The following TIMP2 variants were observed in gnomAD, a reference collection of about 807,000 sequenced individuals.
TIMP2 encodes the protein metalloproteinase inhibitor 2.
TIMP2 carries 5 observed loss-of-function variants against 24.3 expected under a neutral mutation model. The ratio of observed to expected loss-of-function variants is 0.21; its 90% confidence interval spans 0.11 to 0.43. The LOEUF (loss-of-function observed/expected upper bound fraction) is 0.43, where lower values mean the gene tolerates loss of function less well. Among genes scored for constraint, TIMP2 ranks in the 20% least tolerant of loss-of-function variants. TIMP2 has a pLI of 1.00. For synonymous variants in TIMP2, 130 were observed against 123.2 expected, an observed-to-expected ratio of 1.06 and a Z score of -0.37; for missense variants, 221 against 297.5, an observed-to-expected ratio of 0.74 and a Z score of 1.89.
intron 1 of TIMP2, among the ~76,000 whole-genome samples, chr17:78,909,030 G>A (rs555646367): frequency 3.3e-5 from 5 of 152,286 alleles, no homozygotes; most frequent in East Asian, 3.9e-4. Flanking sequence ...ATGTGTGTGC[G>A]TGTCCATCTA....
At chr17:78,915,842 C>T (rs1424398939) in intron 1 of TIMP2, among the ~76,000 whole-genome samples, 1 of 152,208 alleles carries the variant, frequency 6.6e-6, no homozygotes, top group African/African-American at 2.4e-5. Context: ...TCTTCTTTTA[C>T]TCTGCTATTT....
intron 1 of TIMP2, among the ~76,000 whole-genome samples, chr17:78,918,507 A>G (rs2145796763): frequency 6.6e-6 from 1 of 152,200 alleles, no homozygotes; most frequent in East Asian, 1.9e-4. Flanking sequence ...TGAGACATCC[A>G]TGCTCCTGAC....
chr17:78,888,456 A>G (rs550125291), intron 1 of TIMP2, among the ~76,000 whole-genome samples: 82 of 148,904 alleles, frequency 5.5e-4, no homozygotes, highest in Non-Finnish European at 9.5e-4. Context: ...CACCGCGTCC[A>G]GTATCTTTTT....
intron 1 of TIMP2, among the ~76,000 whole-genome samples, chr17:78,893,302 G>A (rs538791164): frequency 7.5e-6 from 1 of 133,508 alleles, no homozygotes; most frequent in East Asian, 2.3e-4. Flanking sequence ...TGTGTGTGCA[G>A]GGGTGTATGT....
intron 1 of TIMP2, among the ~76,000 whole-genome samples, chr17:78,879,020 G>A (rs1320989025): frequency 6.6e-6 from 1 of 152,218 alleles, no homozygotes. Flanking sequence ...AGCTCTGATC[G>A]GTGCACACCA....
Position 78,855,939 on chromosome 17 carries a change from G to T in TIMP2, c.466-75C>A. ...TGGGCAGAGGCTGCTCTGGGGGCATGTCCAGAACCCGGCAATGTGCCTACC... is the reference window on the plus strand; with the variant it reads ...TGGGCAGAGGCTGCTCTGGGGGCATTTCCAGAACCCGGCAATGTGCCTACC... On this transcript the variant is annotated intron_variant, in intron 4 of 4. Coordinates refer to ENST00000262768, the MANE Select transcript of TIMP2 (RefSeq NM_003255.5). This position sits in a 1 kb window ranked among gnomAD's most constrained non-coding sequence, Gnocchi z 6.0. The T allele has an allele frequency of 6.8e-7, 1 of 1,468,640 alleles. No individual in the cohort carries two copies. The highest frequency in any genetic ancestry group is 9.5e-7 in the Non-Finnish European group (1 of 1,054,068). The allele number at this position is 1,468,640 out of a possible 1,614,324, so 91.0% of individuals were successfully genotyped here. A position where few individuals can be genotyped will look rare whatever the true frequency, so the allele number is the denominator to read the frequency against.
intron 1 of TIMP2, among the ~76,000 whole-genome samples, chr17:78,908,776 C>G (rs1294543238): frequency 6.6e-6 from 1 of 152,248 alleles, no homozygotes; most frequent in African/African-American, 2.4e-5. Flanking sequence ...AAGACCACCA[C>G]AGACTGTTCC....
chr17:78,873,949 G>T, intron 1 of TIMP2, 30 bp from the exon 2 acceptor site: 1 of 1,603,498 alleles, frequency 6.2e-7, no homozygotes, highest in Non-Finnish European at 8.5e-7. Flanking sequence ...GAGGTGAGGA[G>T]AGTTCCTGAA....
chr17:78,911,191 C>G (rs1037234713), intron 1 of TIMP2, among the ~76,000 whole-genome samples: 4 of 152,164 alleles, frequency 2.6e-5, no homozygotes, highest in Admixed American at 6.5e-5. Context: ...CAGAGGCGAG[C>G]TGGGGAGCAG....
chr17:78,858,090 A>G (rs559655694), intron 3 of TIMP2, among the ~76,000 whole-genome samples: 11 of 151,818 alleles, frequency 7.2e-5, no homozygotes, highest in Admixed American at 2.0e-4. Flanking sequence ...AAAAAGTGGA[A>G]AAAAAAAGAA....
chr17:78,895,969 T>C (rs1250270155), intron 1 of TIMP2, among the ~76,000 whole-genome samples: 1 of 152,244 alleles, frequency 6.6e-6, no homozygotes. Context: ...GTGCACCCCG[T>C]GCCAGCCCCA....
At chr17:78,880,289 T>A (rs1450570858) in intron 1 of TIMP2, among the ~76,000 whole-genome samples, 1 of 152,052 alleles carries the variant, frequency 6.6e-6, no homozygotes, top group Non-Finnish European at 1.5e-5. Context: ...CCCACCAACA[T>A]CTTTCCAATC....
chr17:78,923,715 A>G (rs900982281), intron 1 of TIMP2, among the ~76,000 whole-genome samples: 2 of 152,190 alleles, frequency 1.3e-5, no homozygotes, highest in African/African-American at 2.4e-5. Context: ...CCTTCCGCCC[A>G]GGTGGCCTGA....
At chr17:78,904,091 A>ATATATATGTGTATGTGTGTG (rs1555651940) in intron 1 of TIMP2, 3 of 127,866 alleles carry the variant, frequency 2.3e-5, no homozygotes, top group African/African-American at 9.9e-5. Context: ...CAGCTAATTT[A>ATATATATGTGTATGTGTGTG]TGTGTGTGTG....
At chr17:78,878,578 T>C (rs529922023) in intron 1 of TIMP2, among the ~76,000 whole-genome samples, 1 of 152,312 alleles carries the variant, frequency 6.6e-6, no homozygotes, top group South Asian at 2.1e-4. Context: ...CGTGCTAGCT[T>C]TGCCTGGGGG....
Position 78,855,820 on chromosome 17 carries a change from G to T in TIMP2, c.510C>A (p.Asp170Glu). The change falls in exon 5 of 5, where the codon GAC (aspartate) becomes GAA (glutamate). Residue 170 changes from aspartate (D) to glutamate (E), a missense_variant. Coordinates refer to ENST00000262768, the MANE Select transcript of TIMP2 (RefSeq NM_003255.5). The surrounding 1 kb of genome is among the most constrained non-coding windows in gnomAD (Gnocchi z 6.0). Reference sequence around the variant, plus strand: ...TGACCCAGTCCATCCAGAGGCACTCGTCCGGGGAGGAGATGTAGCACGGGA... The same window carrying T: ...TGACCCAGTCCATCCAGAGGCACTCTTCCGGGGAGGAGATGTAGCACGGGA... Reference protein sequence around the residue: ...PMIPCYISSPDECLWMDWVTE... With the variant: ...PMIPCYISSPEECLWMDWVTE... 6.2e-7 allele frequency: 1 copy of T among 1,614,140 alleles called. No homozygotes were observed. The highest frequency in any genetic ancestry group is 1.1e-5 in the South Asian group (1 of 91,088).
chr17:78,862,599 G>C (rs1250551994), intron 3 of TIMP2, among the ~76,000 whole-genome samples: 2 of 152,260 alleles, frequency 1.3e-5, no homozygotes, highest in Non-Finnish European at 2.9e-5. Flanking sequence ...GTGCAGATTT[G>C]TTACATGGGT....
chr17:78,853,560 C>A lies in TIMP2; in HGVS notation c.*2107G>T, dbSNP rs1043072074. 6.6e-6 allele frequency: 1 copy of A among 152,446 alleles called. No individual in the cohort carries two copies. The highest frequency in any genetic ancestry group is 2.4e-5 in the African/African-American group (1 of 41,444). The allele number at this position is 152,446 out of a possible 1,614,324, so 9.4% of individuals were successfully genotyped here. A position where few individuals can be genotyped will look rare whatever the true frequency, so the allele number is the denominator to read the frequency against. On this transcript the variant is annotated 3_prime_UTR_variant, in exon 5 of 5. Transcript: ENST00000262768. ...ATCCTTTACTTTGCAATAATTTGAACTGGAGAACCAAAGACGGGAGACGAA... is the reference window on the plus strand; with the variant it reads ...ATCCTTTACTTTGCAATAATTTGAAATGGAGAACCAAAGACGGGAGACGAA...
chr17:78,918,099 C>A (rs965136589), intron 1 of TIMP2, among the ~76,000 whole-genome samples: 6 of 150,646 alleles, frequency 4.0e-5, no homozygotes, highest in African/African-American at 7.4e-5. Context: ...CACACACACA[C>A]AACTTCACTT....
Sources: allele counts gnomAD v4.1 joint callset (sites outside exome capture counted in the v4.1 genomes callset), GRCh38; gene constraint gnomAD v4.1.1; non-coding constraint Gnocchi (gnomAD v3.1); transcripts MANE v1.5; gene names NCBI Gene and HGNC (gene_info 2026-07-23, HGNC 2026-07-21).